Variants in VWA8 observed in about 807,000 individuals in gnomAD.
The protein encoded by VWA8 is von Willebrand factor A domain containing 8.
A neutral mutation model predicts 241.5 loss-of-function variants in VWA8; 221 were observed. That is an observed-to-expected ratio of 0.91 (90% CI 0.82 to 1.02). The LOEUF (loss-of-function observed/expected upper bound fraction) is 1.02. Ranked by LOEUF, VWA8 falls within the 50% of genes least tolerant of loss-of-function variation. VWA8 has a pLI of 0.00. For missense variants in VWA8, 2,322 were observed against 2,328.7 expected (o/e 1.00, Z 0.06); for synonymous variants, 852 against 827.1 (o/e 1.03, Z -0.52).
chr13:41,919,262 C>A (rs1438105070), intron 2 of VWA8, among the ~76,000 whole-genome samples: 3 of 152,130 alleles, frequency 2.0e-5, no homozygotes, highest in Non-Finnish European at 2.9e-5. Flanking sequence ...TTTCTCTCTG[C>A]AGGAAAAAGG....
At chr13:41,955,539 T>C (rs1002519221) in intron 1 of VWA8, among the ~76,000 whole-genome samples, 1 of 152,198 alleles carries the variant, frequency 6.6e-6, no homozygotes, top group African/African-American at 2.4e-5. Flanking sequence ...AAAGAATTAT[T>C]CAACTGATAT....
intron 29 of VWA8, among the ~76,000 whole-genome samples, chr13:41,694,501 A>C (rs1441538099): frequency 2.0e-5 from 3 of 152,074 alleles, no homozygotes; most frequent in African/African-American, 7.2e-5. Flanking sequence ...GTCATTCACC[A>C]CTACTTGACA....
intron 37 of VWA8, among the ~76,000 whole-genome samples, chr13:41,661,156 A>G (rs12868514): frequency 0.022 from 3,359 of 152,260 alleles, 80 homozygotes; most frequent in African/African-American, 0.062. Context: ...GAGCCACTGC[A>G]CCTGGCCAAG....
chr13:41,926,440 C>A, intron 2 of VWA8: 1 of 527,624 alleles, frequency 1.9e-6, no homozygotes, highest in South Asian at 1.5e-5. Context: ...CCAAGCTTTT[C>A]ATCACTTATG....
At chr13:41,578,422 T>A (rs1481826245) in intron 42 of VWA8, among the ~76,000 whole-genome samples, 3 of 152,172 alleles carry the variant, frequency 2.0e-5, no homozygotes, top group Non-Finnish European at 2.9e-5. Context: ...TACTGCAGAT[T>A]ATATTAAGCT....
intron 1 of VWA8, among the ~76,000 whole-genome samples, chr13:41,951,000 A>G (rs1878109968): frequency 6.6e-6 from 1 of 152,074 alleles, no homozygotes. Context: ...CAGATCCTCA[A>G]CCTTTTTACA....
intron 24 of VWA8, among the ~76,000 whole-genome samples, chr13:41,722,399 A>G (rs2045399875): frequency 6.6e-6 from 1 of 152,196 alleles, no homozygotes; most frequent in African/African-American, 2.4e-5. Context: ...TAATATGTTC[A>G]TTTTAGAAAA....
intron 40 of VWA8, among the ~76,000 whole-genome samples, chr13:41,596,260 C>G (rs909577785): frequency 6.6e-6 from 1 of 151,996 alleles, no homozygotes; most frequent in African/African-American, 2.4e-5. Context: ...GGGTAGAAAT[C>G]TGATTTTCTA....
At chr13:41,618,091 C>T (rs1006857942) in intron 37 of VWA8, among the ~76,000 whole-genome samples, 1 of 152,198 alleles carries the variant, frequency 6.6e-6, no homozygotes, top group South Asian at 2.1e-4. Flanking sequence ...TACAGTCCCA[C>T]CAACAGTGTA....
At chr13:41,758,515 AAT>A (rs1410930340) in intron 21 of VWA8, among the ~76,000 whole-genome samples, 2 of 144,926 alleles carry the variant, frequency 1.4e-5, no homozygotes, top group Non-Finnish European at 3.0e-5. Flanking sequence ...GAATATATGG[AAT>A]ATATATATAT....
chr13:41,726,615 T>TGGTTTAAG (rs1268725892), intron 24 of VWA8, among the ~76,000 whole-genome samples: 1 of 152,118 alleles, frequency 6.6e-6, no homozygotes, highest in Non-Finnish European at 1.5e-5. Flanking sequence ...TATAGTGTAA[T>TGGTTTAAG]GGTTTAAGAA....
intron 21 of VWA8, among the ~76,000 whole-genome samples, chr13:41,756,807 C>G (rs2045697660): frequency 6.6e-6 from 1 of 151,546 alleles, no homozygotes; most frequent in Non-Finnish European, 1.5e-5. Flanking sequence ...TAAATTGATA[C>G]TATACACTTA....
intron 10 of VWA8, 65 bp downstream of exon 10, chr13:41,868,281 A>G (rs1181997353): frequency 6.3e-7 from 1 of 1,592,350 alleles, no homozygotes; most frequent in East Asian, 2.2e-5. Flanking sequence ...CATAAACCCA[A>G]TTTAGGTCAT....
chr13:41,728,277 T>C (rs1042385292), intron 23 of VWA8, among the ~76,000 whole-genome samples: 3 of 152,020 alleles, frequency 2.0e-5, no homozygotes, highest in African/African-American at 7.2e-5. Context: ...GGTATGTGGC[T>C]ACAGGCAAAA....
At chr13:41,947,024 G>C (rs1014614506) in intron 2 of VWA8, among the ~76,000 whole-genome samples, 1 of 152,108 alleles carries the variant, frequency 6.6e-6, no homozygotes, top group Non-Finnish European at 1.5e-5. Flanking sequence ...ATTTTGTTAG[G>C]TTGGCTTAGC....
At chr13:41,738,526 A>G (rs2045542969) in intron 21 of VWA8, among the ~76,000 whole-genome samples, 1 of 152,216 alleles carries the variant, frequency 6.6e-6, no homozygotes, top group African/African-American at 2.4e-5. Context: ...AAATTCTTCA[A>G]AAGTCAAAGC....
intron 37 of VWA8, among the ~76,000 whole-genome samples, chr13:41,656,698 C>A (rs2044908594): frequency 6.6e-6 from 1 of 152,130 alleles, no homozygotes; most frequent in Admixed American, 6.5e-5. Flanking sequence ...AGGTAAGGAT[C>A]ATGCTTCATG....
At chr13:41,801,938 T>C (rs749173710) in intron 17 of VWA8, among the ~76,000 whole-genome samples, 4 of 152,200 alleles carry the variant, frequency 2.6e-5, no homozygotes, top group Non-Finnish European at 4.4e-5. Context: ...TAAGATAATA[T>C]ATTAATGGAA....
chr13:41,696,146 C>T lies in VWA8; in HGVS notation c.3564+2925G>A, dbSNP rs943689788. ...TTTGTTGAAAATCTTTAAAGTAAAA[C>T]CCTCATTCCAATTTTCAGGAGATAA... is the stretch of plus-strand genomic sequence containing the variant. On this transcript the variant is annotated intron_variant, in intron 29 of 44. Transcript: ENST00000379310. 8 of 151,948 alleles carry T rather than the reference C, an allele frequency of 5.3e-5. 1 individual carries two copies. Among genetic ancestry groups the T allele is most frequent in the Admixed American group, 5.2e-4 (8 of 15,248 alleles). The allele number at this position is 151,948 out of a possible 1,614,324, so 9.4% of individuals were successfully genotyped here. A position where few individuals can be genotyped will look rare whatever the true frequency, so the allele number is the denominator to read the frequency against.
Sources: allele counts gnomAD v4.1 joint callset (sites outside exome capture counted in the v4.1 genomes callset), GRCh38; gene constraint gnomAD v4.1.1; transcripts MANE v1.5; gene names NCBI Gene and HGNC (gene_info 2026-07-23, HGNC 2026-07-21).